The following BLTP3B variants were observed in gnomAD, a reference collection of about 807,000 sequenced individuals.
BLTP3B encodes the protein bridge-like lipid transfer protein family member 3B.
chr12:100,099,228 A>G, the BLTP3B span, among the ~76,000 whole-genome samples: 2 of 151,976 alleles, frequency 1.3e-5, no homozygotes, highest in South Asian at 2.1e-4. Flanking sequence ...TCCTGTCCTC[A>G]GATGATCTGC....
chr12:100,121,566 C>G, the BLTP3B span, among the ~76,000 whole-genome samples: 1 of 151,916 alleles, frequency 6.6e-6, no homozygotes, highest in East Asian at 2.0e-4. Context: ...CATGGTGGCT[C>G]AAGCTTGTAA....
chr12:100,102,768 T>G, the BLTP3B span: 4 of 1,603,660 alleles, frequency 2.5e-6, no homozygotes, highest in Non-Finnish European at 3.4e-6. Context: ...TAGCTTACCT[T>G]TGTCCTGAAG....
the BLTP3B span, among the ~76,000 whole-genome samples, chr12:100,111,068 C>T: frequency 6.6e-5 from 10 of 151,434 alleles, no homozygotes; most frequent in Non-Finnish European, 1.0e-4. Flanking sequence ...ACAATCTAAA[C>T]GTCCCAAGAG....
At chr12:100,130,554 C>T in the BLTP3B span, among the ~76,000 whole-genome samples, 1 of 151,938 alleles carries the variant, frequency 6.6e-6, no homozygotes, top group South Asian at 2.1e-4. Context: ...TAAGATAAAT[C>T]TTACATTTTA....
chr12:100,089,243 T>C, the BLTP3B span: 1 of 714,610 alleles, frequency 1.4e-6, no homozygotes, highest in African/African-American at 1.9e-5. Context: ...TAAAATATTT[T>C]CTGAATTACC....
chr12:100,081,895 T>C, the BLTP3B span, among the ~76,000 whole-genome samples: 10,434 of 152,248 alleles, frequency 0.069, 391 homozygotes, highest in South Asian at 0.089. Flanking sequence ...TTATCTTTGG[T>C]AGAAAAATTT....
the BLTP3B span, among the ~76,000 whole-genome samples, chr12:100,078,239 C>T: frequency 2.6e-3 from 402 of 152,192 alleles, 3 homozygotes; most frequent in African/African-American, 8.8e-3. Flanking sequence ...CACCTCCCTG[C>T]GCCACTCTCT....
the BLTP3B span, among the ~76,000 whole-genome samples, chr12:100,102,110 C>A: frequency 3.0e-5 from 4 of 135,098 alleles, no homozygotes; most frequent in African/African-American, 5.5e-5. Flanking sequence ...CAACTTAACT[C>A]TTTTTTTTTT....
the BLTP3B span, chr12:100,048,329 T>C: frequency 2.1e-6 from 2 of 941,442 alleles, no homozygotes; most frequent in Non-Finnish European, 3.0e-6. Flanking sequence ...ATAGTACATA[T>C]ACAATATACG....
the BLTP3B span, among the ~76,000 whole-genome samples, chr12:100,096,973 G>A: frequency 6.6e-6 from 1 of 152,136 alleles, no homozygotes; most frequent in African/African-American, 2.4e-5. Context: ...CCAGCTACTT[G>A]AGAAGCTGAA....
At chr12:100,128,844 C>G in the BLTP3B span, 1 of 870,962 alleles carries the variant, frequency 1.1e-6, no homozygotes, top group Non-Finnish European at 1.4e-6. Context: ...AAAACAGTTG[C>G]ATTTCACACT....
the BLTP3B span, among the ~76,000 whole-genome samples, chr12:100,122,943 C>T: frequency 6.6e-6 from 1 of 152,176 alleles, no homozygotes; most frequent in East Asian, 1.9e-4. Context: ...TTCACCCTCT[C>T]ATCCTTCTCA....
chr12:100,067,493 A>G, the BLTP3B span, among the ~76,000 whole-genome samples: 5 of 152,296 alleles, frequency 3.3e-5, no homozygotes, highest in African/African-American at 1.2e-4. Context: ...AGTAAGAAAC[A>G]AAACAGGAGA....
chr12:100,119,134 AAATT>A, the BLTP3B span, among the ~76,000 whole-genome samples: 9 of 152,114 alleles, frequency 5.9e-5, no homozygotes, highest in African/African-American at 1.7e-4. Flanking sequence ...ATAAATAAAT[AAATT>A]ATGTTTCTAT....
the BLTP3B span, chr12:100,048,334 T>C: frequency 4.6e-6 from 4 of 874,268 alleles, no homozygotes; most frequent in African/African-American, 5.2e-5. Flanking sequence ...ACATATACAA[T>C]ATACGTACAC....
At chr12:100,103,921 T>C in the BLTP3B span, 1 of 1,601,630 alleles carries the variant, frequency 6.2e-7, no homozygotes, top group Non-Finnish European at 8.5e-7. Flanking sequence ...ACCAAACAGA[T>C]GGGATGTGTT....
chr12:100,061,656 C>CAAAAAAA, the BLTP3B span, among the ~76,000 whole-genome samples: 2 of 67,310 alleles, frequency 3.0e-5, no homozygotes, highest in African/African-American at 5.2e-5. Flanking sequence ...GACTCCGTCT[C>CAAAAAAA]AAAAAAAAAA....
chr12:100,050,795 G>C, the BLTP3B span, among the ~76,000 whole-genome samples: 11 of 151,986 alleles, frequency 7.2e-5, no homozygotes, highest in Admixed American at 6.6e-4. Flanking sequence ...CTGGGCAACA[G>C]AGTGAGACCC....
At chr12:100,129,462 C>G in the BLTP3B span, among the ~76,000 whole-genome samples, 1 of 152,158 alleles carries the variant, frequency 6.6e-6, no homozygotes, top group East Asian at 1.9e-4. Flanking sequence ...GTACTGCAGT[C>G]CTGTGGCGGA....
Sources: allele counts gnomAD v4.1 joint callset (sites outside exome capture counted in the v4.1 genomes callset), GRCh38; gene constraint gnomAD v4.1.1; transcripts MANE v1.5; gene names NCBI Gene and HGNC (gene_info 2026-07-23, HGNC 2026-07-21).